The following LRRC7 variants were observed in gnomAD, a reference collection of about 807,000 sequenced individuals.
The protein encoded by LRRC7 is leucine rich repeat containing 7.
In LRRC7, 23 loss-of-function variants were observed where a neutral mutation model predicts 175.7. That is an observed-to-expected ratio of 0.13 (90% CI 0.09 to 0.19). The LOEUF is 0.19. LRRC7 is among the 10% of genes least tolerant of loss of function. The pLI is 1.00. For missense variants in LRRC7, 1,354 were observed against 1,904.7 expected, an observed-to-expected ratio of 0.71 and a Z score of 5.38; for synonymous variants, 685 against 680.9, an observed-to-expected ratio of 1.01 and a Z score of -0.09.
intron 17 of LRRC7, among the ~76,000 whole-genome samples, chr1:70,025,922 TA>T (rs1015674205): frequency 5.9e-5 from 9 of 152,044 alleles, no homozygotes; most frequent in Admixed American, 2.6e-4. Context: ...GTGTGTAGCT[TA>T]AGCTTCATTA....
In LRRC7 at chr1:70,138,655, CTA is replaced by C. The variant is rs1666957631; in HGVS notation, c.*16770_*16771del. 1 of 152,128 alleles carries C rather than the reference CTA, an allele frequency of 6.6e-6. No homozygotes were observed. The highest frequency in any genetic ancestry group is 2.4e-5 in the African/African-American group (1 of 41,436). The allele number at this position is 152,128 out of a possible 1,614,324, so 9.4% of individuals were successfully genotyped here. ...GAGCCAAATTTAAATTCTCAATACC[CTA>C]TGAGATTTTTTAAACTATTTTAGAT... On this transcript the variant is annotated 3_prime_UTR_variant, in exon 27 of 27. Transcript: ENST00000651989.
At chr1:69,768,267 G>C (rs1044627825) in intron 3 of LRRC7, among the ~76,000 whole-genome samples, 3 of 152,140 alleles carry the variant, frequency 2.0e-5, no homozygotes, top group Non-Finnish European at 4.4e-5. Context: ...CAACTGTGCT[G>C]GAGCAGTTTG....
intron 15 of LRRC7, 80 bp from the exon 16 acceptor site, chr1:70,020,925 C>A: frequency 8.5e-7 from 1 of 1,177,970 alleles, no homozygotes. Flanking sequence ...GTATCTATCA[C>A]CATTTTTGCA....
intron 8 of LRRC7, among the ~76,000 whole-genome samples, chr1:69,973,631 G>A (rs943386887): frequency 2.0e-5 from 3 of 152,140 alleles, no homozygotes; most frequent in Non-Finnish European, 4.4e-5. Flanking sequence ...GATACACTCT[G>A]TTGCCCAGGC....
intron 1 of LRRC7, among the ~76,000 whole-genome samples, chr1:69,654,788 A>G (rs1656368307): frequency 6.6e-6 from 1 of 152,178 alleles, no homozygotes; most frequent in Admixed American, 6.6e-5. Context: ...TTAATAATGA[A>G]TATGGCAACT....
rs574357981 is a variant in LRRC7 at position 69,650,539 on chromosome 1, C to CAAA, written c.3-27829_3-27827dup. On this transcript the variant is annotated intron_variant, in intron 1 of 26. Coordinates refer to ENST00000651989, the MANE Select transcript of LRRC7 (RefSeq NM_001370785.2). Reference sequence around the variant, plus strand: ...TGGGCGAAAAAGAGAGACTCCGTCTCAAAAAAAAAAAAAAATGCCAAGCAT... The same window carrying CAAA: ...TGGGCGAAAAAGAGAGACTCCGTCTCAAAAAAAAAAAAAAAAAATGCCAAGCAT... 2.1e-3 allele frequency among the ~76,000 whole-genome samples: 169 copies of CAAA among 79,218 alleles called. 8 individuals carry two copies. The highest frequency in any genetic ancestry group is 7.8e-3 in the African/African-American group (149 of 19,024). The allele number at this position is 79,218 out of a possible 152,430, so 52.0% of individuals were successfully genotyped here.
Position 70,138,912 on chromosome 1 carries a change from G to A in LRRC7, c.*17025G>A, listed in dbSNP as rs923005792. ...ACCATATTAGAAATGAAAAGCAGCA[G>A]TCTCTATCATATGTTAAATTCAAAG... On this transcript the variant is annotated 3_prime_UTR_variant, in exon 27 of 27. Coordinates refer to ENST00000651989, the MANE Select transcript of LRRC7 (RefSeq NM_001370785.2). 6.6e-6 allele frequency: 1 copy of A among 152,184 alleles called. No homozygotes were observed. Among genetic ancestry groups the A allele is most frequent in the Non-Finnish European group, 1.5e-5 (1 of 68,030 alleles). The allele number at this position is 152,184 out of a possible 1,614,324, so 9.4% of individuals were successfully genotyped here. A position where few individuals can be genotyped will look rare whatever the true frequency, so the allele number is the denominator to read the frequency against.
chr1:69,590,970 A>G (rs1192936523), intron 1 of LRRC7, among the ~76,000 whole-genome samples: 1 of 152,180 alleles, frequency 6.6e-6, no homozygotes, highest in Non-Finnish European at 1.5e-5. Flanking sequence ...TATTATTATT[A>G]CTATTATTGA....
At chr1:69,613,410 G>A (rs773745281) in intron 1 of LRRC7, among the ~76,000 whole-genome samples, 2 of 151,888 alleles carry the variant, frequency 1.3e-5, no homozygotes, top group African/African-American at 2.4e-5. Flanking sequence ...TTACATTGGG[G>A]GTGAGGATTT....
intron 8 of LRRC7, among the ~76,000 whole-genome samples, chr1:69,934,435 A>G (rs773257656): frequency 7.3e-6 from 1 of 137,018 alleles, no homozygotes; most frequent in Non-Finnish European, 1.5e-5. Context: ...TATATTTTTA[A>G]TAGCAATTAT....
chr1:69,953,507 T>C (rs1650166049), intron 8 of LRRC7, among the ~76,000 whole-genome samples: 1 of 151,972 alleles, frequency 6.6e-6, no homozygotes, highest in South Asian at 2.1e-4. Context: ...TTCTCCCTCC[T>C]CTACTGTTTG....
At chr1:69,942,681 CT>C (rs1449663367) in intron 8 of LRRC7, among the ~76,000 whole-genome samples, 1 of 152,064 alleles carries the variant, frequency 6.6e-6, no homozygotes, top group East Asian at 1.9e-4. Context: ...CTCTGACCCC[CT>C]TGCCTCTCTC....
At chr1:69,884,425 T>C (rs1340111589) in intron 7 of LRRC7, among the ~76,000 whole-genome samples, 1 of 107,830 alleles carries the variant, frequency 9.3e-6, no homozygotes, top group Non-Finnish European at 1.9e-5. Context: ...TTGTATGTTG[T>C]TGGTGTATAA....
chr1:69,704,482 GTT>G (rs1663772161), intron 2 of LRRC7, among the ~76,000 whole-genome samples: 1 of 151,860 alleles, frequency 6.6e-6, no homozygotes, highest in Non-Finnish European at 1.5e-5. Context: ...TCCGTTGTAA[GTT>G]TTTAATGTTC....
At chr1:69,845,086 C>T (rs1019212167) in intron 7 of LRRC7, among the ~76,000 whole-genome samples, 1 of 151,790 alleles carries the variant, frequency 6.6e-6, no homozygotes, top group Admixed American at 6.6e-5. Context: ...CCTGTCTCTA[C>T]AAAAATTTTA....
chr1:70,071,817 T>C (rs767961948), intron 23 of LRRC7, among the ~76,000 whole-genome samples: 3 of 152,194 alleles, frequency 2.0e-5, no homozygotes, highest in Non-Finnish European at 4.4e-5. Flanking sequence ...GATGACCAAA[T>C]TGAGTAACAT....
At chr1:69,894,954 G>A (rs1248752853) in intron 7 of LRRC7, among the ~76,000 whole-genome samples, 1 of 152,120 alleles carries the variant, frequency 6.6e-6, no homozygotes, top group African/African-American at 2.4e-5. Flanking sequence ...AGGCCGGGGG[G>A]CGTGGCTCAC....
chr1:69,697,334 C>G lies in LRRC7; in HGVS notation c.100+18856C>G. On this transcript the variant is annotated intron_variant, in intron 2 of 26. Coordinates refer to ENST00000651989, the MANE Select transcript of LRRC7 (RefSeq NM_001370785.2). The stretch of plus-strand genomic sequence containing the variant: ...AGCCTTTATTCTTTCTCTTCATAGC[C>G]TTTAAGTGTGCAATAATTTTAATAA... 1.3e-5 allele frequency among the ~76,000 whole-genome samples: 2 copies of G among 152,194 alleles called. 1 individual carries two copies. The highest frequency in any genetic ancestry group is 3.8e-4 in the East Asian group (2 of 5,200).
In LRRC7 at chr1:70,137,609, A is replaced by C. The variant is rs1230595159; in HGVS notation, c.*15722A>C. Among the ~76,000 whole-genome samples, 1 of 152,230 alleles carries C rather than the reference A, an allele frequency of 6.6e-6. No individual in the cohort carries two copies. Among genetic ancestry groups the C allele is most frequent in the East Asian group, 1.9e-4 (1 of 5,204 alleles). ...ATAGACCCACCAGAGTTCAGTAAGA[A>C]ATGCAACTTGAACAGCCCCTGAGAT... On this transcript the variant is annotated 3_prime_UTR_variant, in exon 27 of 27. Coordinates refer to ENST00000651989, the MANE Select transcript of LRRC7 (RefSeq NM_001370785.2).
Sources: allele counts gnomAD v4.1 joint callset (sites outside exome capture counted in the v4.1 genomes callset), GRCh38; gene constraint gnomAD v4.1.1; transcripts MANE v1.5; gene names NCBI Gene and HGNC (gene_info 2026-07-23, HGNC 2026-07-21).